Variants in KCNIP4 observed in about 807,000 individuals in gnomAD.
KCNIP4 encodes potassium voltage-gated channel interacting protein 4.
KCNIP4 carries 12 observed loss-of-function variants against 34.0 expected under a neutral mutation model. The ratio of observed to expected loss-of-function variants is 0.35; its 90% confidence interval spans 0.23 to 0.57. The LOEUF (loss-of-function observed/expected upper bound fraction) is 0.57, where lower values mean the gene tolerates loss of function less well. Ranked by LOEUF, KCNIP4 falls within the 20% of genes least tolerant of loss-of-function variation. The probability of loss-of-function intolerance (pLI) is 0.83; values close to 1 mark genes in which losing one functional copy is unlikely to be tolerated. For synonymous variants in KCNIP4, 124 were observed against 102.2 expected, an observed-to-expected ratio of 1.21 and a Z score of -1.29; for missense variants, 238 against 311.7, an observed-to-expected ratio of 0.76 and a Z score of 1.78.
chr4:21,189,105 A>G (rs1755451877), intron 1 of KCNIP4, among the ~76,000 whole-genome samples: 1 of 152,230 alleles, frequency 6.6e-6, no homozygotes, highest in Non-Finnish European at 1.5e-5. Flanking sequence ...AAAAAGAGTA[A>G]AATAATAATG....
chr4:21,174,449 A>G (rs537632223), intron 1 of KCNIP4, among the ~76,000 whole-genome samples: 96 of 152,320 alleles, frequency 6.3e-4, no homozygotes, highest in African/African-American at 2.3e-3. Context: ...GGGATTAGAA[A>G]TAATGCAGAT....
At chr4:20,811,761 C>T (rs148576857) in intron 3 of KCNIP4, among the ~76,000 whole-genome samples, 1 of 152,188 alleles carries the variant, frequency 6.6e-6, no homozygotes, top group East Asian at 1.9e-4. Flanking sequence ...AGCACTTCCG[C>T]CAAATTCTTC....
chr4:21,548,256 A>T (rs1738295637), intron 1 of KCNIP4, among the ~76,000 whole-genome samples: 2 of 152,094 alleles, frequency 1.3e-5, no homozygotes. Flanking sequence ...AAGTTTTCAG[A>T]TTATGGATAT....
intron 1 of KCNIP4, among the ~76,000 whole-genome samples, chr4:21,659,196 C>CA (rs1242291591): frequency 6.6e-6 from 1 of 152,070 alleles, no homozygotes; most frequent in Non-Finnish European, 1.5e-5. Flanking sequence ...ATTGCCTAAA[C>CA]ATATGAGACA....
rs558814896 is a variant in KCNIP4 at position 21,480,966 on chromosome 4, A to G, written c.61+467605T>C. On this transcript the variant is annotated intron_variant, in intron 1 of 8. Coordinates refer to ENST00000382152, the MANE Select transcript of KCNIP4 (RefSeq NM_025221.6). ...GGTGATAGAATAAAGGCAGGAGAAA[A>G]GCAAAAGAAATTAAACAGAAATATG... is the stretch of plus-strand genomic sequence containing the variant. Among the ~76,000 whole-genome samples, 36 of 152,314 alleles carry G rather than the reference A, an allele frequency of 2.4e-4. 1 individual carries two copies. The South Asian group carries it at 6.4e-3, about 27-fold the overall frequency.
At chr4:20,903,420 G>A (rs1727382853) in intron 1 of KCNIP4, among the ~76,000 whole-genome samples, 1 of 152,090 alleles carries the variant, frequency 6.6e-6, no homozygotes, top group African/African-American at 2.4e-5. Context: ...GTCCAGAAAG[G>A]CAGGACAACT....
intron 1 of KCNIP4, among the ~76,000 whole-genome samples, chr4:21,678,044 G>A (rs1272083801): frequency 6.6e-6 from 1 of 152,114 alleles, no homozygotes; most frequent in South Asian, 2.1e-4. Flanking sequence ...GAGCCACTGC[G>A]CCTGGCCCCA....
intron 1 of KCNIP4, among the ~76,000 whole-genome samples, chr4:21,270,121 AT>A (rs1382771926): frequency 6.6e-6 from 1 of 152,220 alleles, no homozygotes; most frequent in African/African-American, 2.4e-5. Context: ...GGGGAGTATC[AT>A]AGGCTCAAAG....
chr4:20,837,208 CTGAT>C (rs147574541), intron 3 of KCNIP4, among the ~76,000 whole-genome samples: 6,586 of 152,126 alleles, frequency 0.043, 181 homozygotes, highest in Admixed American at 0.084. Flanking sequence ...AAGAAAATAA[CTGAT>C]TATTTCTCAT....
chr4:21,049,624 C>G (rs1742756369), intron 1 of KCNIP4, among the ~76,000 whole-genome samples: 3 of 152,130 alleles, frequency 2.0e-5, no homozygotes, highest in African/African-American at 4.8e-5. Context: ...TTTATATACC[C>G]AGAAAGTTCT....
intron 1 of KCNIP4, among the ~76,000 whole-genome samples, chr4:21,416,854 A>C (rs570175427): frequency 3.9e-5 from 6 of 152,282 alleles, no homozygotes; most frequent in African/African-American, 1.2e-4. Context: ...CTTGTTCAGG[A>C]CTCAGACAGA....
At chr4:21,313,823 A>G (rs1713443137) in intron 1 of KCNIP4, among the ~76,000 whole-genome samples, 1 of 152,210 alleles carries the variant, frequency 6.6e-6, no homozygotes, top group African/African-American at 2.4e-5. Flanking sequence ...ATAACTCAGG[A>G]TGGCACCTCT....
intron 1 of KCNIP4, among the ~76,000 whole-genome samples, chr4:21,308,521 G>C (rs187175960): frequency 6.6e-6 from 1 of 152,212 alleles, no homozygotes; most frequent in Non-Finnish European, 1.5e-5. Flanking sequence ...GGGGCTGATA[G>C]CTGCTTGCTG....
chr4:21,562,681 A>G (rs1739563781), intron 1 of KCNIP4, among the ~76,000 whole-genome samples: 1 of 152,024 alleles, frequency 6.6e-6, no homozygotes, highest in African/African-American at 2.4e-5. Context: ...TAAACTGCAT[A>G]TTTTCTAGAA....
At position 21,537,522 on chromosome 4, in the gene KCNIP4, G is replaced by GA. The variant is rs553290282; in HGVS notation, c.61+411048dup. ...GCACATTGCGGAAAACAAAAACAAA[G>GA]AAAAAATACAAAAAAATATCACCAT... On this transcript the variant is annotated intron_variant, in intron 1 of 8. Coordinates refer to ENST00000382152, the MANE Select transcript of KCNIP4 (RefSeq NM_025221.6). 4.8e-4 allele frequency among the ~76,000 whole-genome samples: 73 copies of GA among 151,888 alleles called. No individual in the cohort carries two copies. The East Asian group carries it at 8.3e-3, about 17-fold the overall frequency.
intron 1 of KCNIP4, among the ~76,000 whole-genome samples, chr4:21,722,426 G>C (rs541274821): frequency 2.6e-5 from 4 of 152,182 alleles, no homozygotes; most frequent in Admixed American, 6.6e-5. Flanking sequence ...CTGGGTAGGA[G>C]AGAAAACAAG....
At chr4:21,195,912 T>C (rs1023918558) in intron 1 of KCNIP4, among the ~76,000 whole-genome samples, 3 of 152,200 alleles carry the variant, frequency 2.0e-5, no homozygotes, top group Non-Finnish European at 2.9e-5. Context: ...TGGCTTTTAC[T>C]TTTTGTCGAG....
chr4:21,547,899 G>A (rs539962670), intron 1 of KCNIP4, among the ~76,000 whole-genome samples: 8 of 152,006 alleles, frequency 5.3e-5, no homozygotes, highest in Admixed American at 1.3e-4. Flanking sequence ...ATAATTTTGC[G>A]CCTGAAACAA....
intron 1 of KCNIP4, among the ~76,000 whole-genome samples, chr4:21,135,544 G>T (rs1429710032): frequency 1.3e-5 from 2 of 152,160 alleles, no homozygotes; most frequent in Non-Finnish European, 2.9e-5. Context: ...AAATTGGCAA[G>T]TCCTACTGAG....
Sources: allele counts gnomAD v4.1 joint callset (sites outside exome capture counted in the v4.1 genomes callset), GRCh38; gene constraint gnomAD v4.1.1; transcripts MANE v1.5; gene names NCBI Gene and HGNC (gene_info 2026-07-23, HGNC 2026-07-21).